AANAT: variants seen among roughly 807,000 people sequenced by gnomAD.
AANAT encodes serotonin N-acetyltransferase.
AANAT carries 11 observed loss-of-function variants against 15.6 expected under a neutral mutation model. That is an observed-to-expected ratio of 0.71 (90% confidence interval 0.44 to 1.17). AANAT has a LOEUF of 1.17. Among genes scored for constraint, AANAT ranks in the 50% most tolerant of loss-of-function variants. The probability of loss-of-function intolerance (pLI) is 0.00; values close to 1 mark genes in which losing one functional copy is unlikely to be tolerated. For synonymous variants in AANAT, 139 were observed against 131.5 expected (o/e 1.06, Z -0.39); for missense variants, 286 against 296.3 (o/e 0.97, Z 0.26).
intron 1 of AANAT, among the ~76,000 whole-genome samples, chr17:76,454,331 A>G (rs1421656557): frequency 7.3e-5 from 11 of 150,656 alleles, no homozygotes; most frequent in Non-Finnish European, 1.5e-4. Context: ...GGAAAAAAAA[A>G]AAAAATAGCT....
intron 2 of AANAT, among the ~76,000 whole-genome samples, chr17:76,460,908 T>C (rs968678943): frequency 3.3e-5 from 5 of 152,148 alleles, no homozygotes; most frequent in African/African-American, 1.2e-4. Context: ...CTCATGCCTA[T>C]AATCCCAGCA....
Position 76,469,556 on chromosome 17 carries a change from C to T in AANAT, c.319-109C>T. On this transcript the variant is annotated intron_variant, in intron 3 of 3. Transcript: ENST00000392492. The surrounding 1 kb of genome is among the most constrained non-coding windows in gnomAD (Gnocchi z 5.2). ...GGCCCTCCTTTGCTGGGGTGGGTGC[C>T]CTGACCACAGGCACCCAGGGGACAC... The T allele has an allele frequency of 7.5e-7, 1 of 1,339,800 alleles. No homozygotes were observed. Among genetic ancestry groups the T allele is most frequent in the Non-Finnish European group, 9.9e-7 (1 of 1,014,354 alleles). 83.0% of individuals were successfully genotyped at this position (1,339,800 alleles called of 1,614,324 possible).
chr17:76,462,691 C>G (rs940808737), upstream of AANAT, among the ~76,000 whole-genome samples: 1 of 152,166 alleles, frequency 6.6e-6, no homozygotes, highest in African/African-American at 2.4e-5. Context: ...TGGTAGTACT[C>G]AGGCTGGAAA....
intron 2 of AANAT, among the ~76,000 whole-genome samples, chr17:76,460,571 G>A (rs1444299225): frequency 6.6e-6 from 1 of 152,168 alleles, no homozygotes. Context: ...AAAGTGCCAG[G>A]ATTATAGGCA....
At chr17:76,464,801 T>A (rs563582590), upstream of AANAT, among the ~76,000 whole-genome samples, 3,707 of 144,534 alleles carry the variant, frequency 0.026, 57 homozygotes, top group South Asian at 0.052. Context: ...ATCTATATAT[T>A]TTTTTTTTTT....
At chr17:76,465,072 C>T (rs554511363), upstream of AANAT, among the ~76,000 whole-genome samples, 2 of 152,244 alleles carry the variant, frequency 1.3e-5, no homozygotes, top group South Asian at 4.1e-4. Context: ...GCTGGGATTA[C>T]AGGCATGAGC....
intron 2 of AANAT, among the ~76,000 whole-genome samples, chr17:76,461,739 G>A (rs2143967462): frequency 6.6e-6 from 1 of 152,176 alleles, no homozygotes; most frequent in South Asian, 2.1e-4. Context: ...GGACTGGGGG[G>A]CTGGATGGCT....
chr17:76,457,044 A>G lies in AANAT; in HGVS notation c.-575-2203A>G, dbSNP rs117888489. ...GCGGGATAAGGCAGTGCAGACCTCA[A>G]ATCTGCTTTTTGTTTCATGGCAGGG... On this transcript the variant is annotated intron_variant, in intron 1 of 6. Coordinates refer to the AANAT transcript ENST00000250615. 4.0e-4 allele frequency among the ~76,000 whole-genome samples: 61 copies of G among 152,038 alleles called. 1 individual carries two copies. The East Asian group carries it at 9.7e-3, about 24-fold the overall frequency.
At chr17:76,466,898 G>T (rs2073444008), upstream of AANAT, among the ~76,000 whole-genome samples, 1 of 152,332 alleles carries the variant, frequency 6.6e-6, no homozygotes, top group African/African-American at 2.4e-5. Context: ...GGGGTCAAAA[G>T]AGTGCACCTG....
chr17:76,469,810 G>T lies in AANAT; in HGVS notation c.464G>T (p.Arg155Leu), dbSNP rs771212777. ...CTGGGCAGCCAGCCGGCCGTGCGCCGGGCCGCGCTCATGTGCGAGGACGCG... is the reference window on the plus strand; with the variant it reads ...CTGGGCAGCCAGCCGGCCGTGCGCCTGGCCGCGCTCATGTGCGAGGACGCG... ...HHLGSQPAVR[R>L]AALMCEDALV... The change falls in exon 4 of 4, where the codon CGG (arginine) becomes CTG (leucine). Residue 155 changes from arginine to leucine, a missense_variant. Coordinates refer to ENST00000392492, the MANE Select transcript of AANAT (RefSeq NM_001088.3). This position sits in a 1 kb window ranked among gnomAD's most constrained non-coding sequence, Gnocchi z 5.2. The T allele has an allele frequency of 2.5e-6, 4 of 1,603,404 alleles. No individual in the cohort carries two copies. In the African/African-American group the frequency reaches 5.4e-5, roughly 21 times the overall value.
chr17:76,466,499 G>A (rs2073439494), upstream of AANAT, among the ~76,000 whole-genome samples: 1 of 152,122 alleles, frequency 6.6e-6, no homozygotes, highest in Non-Finnish European at 1.5e-5. Context: ...TCTGCGGGGG[G>A]GTCGAAAGAG....
intron 1 of AANAT, 23 bp from the exon 2 acceptor site, chr17:76,468,649 T>G: frequency 6.5e-7 from 1 of 1,528,820 alleles, no homozygotes; most frequent in South Asian, 1.2e-5. Context: ...ATGAGACCCC[T>G]GTCCCTTGCT....
Position 76,469,013 on chromosome 17 carries a change from T to G in AANAT, c.163+104T>G, listed in dbSNP as rs560128758. 1 of 1,486,462 alleles carries G rather than the reference T, an allele frequency of 6.7e-7. No individual in the cohort carries two copies. The highest frequency in any genetic ancestry group is 1.4e-5 in the African/African-American group (1 of 72,434). The allele number at this position is 1,486,462 out of a possible 1,614,324, so 92.1% of individuals were successfully genotyped here. A position where few individuals can be genotyped will look rare whatever the true frequency, so the allele number is the denominator to read the frequency against. On this transcript the variant is annotated intron_variant, in intron 2 of 3. Transcript: ENST00000392492. The surrounding 1 kb of genome is among the most constrained non-coding windows in gnomAD (Gnocchi z 5.2). ...TGTCCTTGGAGGCTGGGTCCCAGAG[T>G]ATCAGACCATGTGTGCGCTCAAGAA...
At chr17:76,466,045 G>C, upstream of AANAT, 7 of 780,142 alleles carry the variant, frequency 9.0e-6, no homozygotes, top group Non-Finnish European at 1.5e-5. Flanking sequence ...TGAGGTTCTA[G>C]ACCTCTAGGG....
chr17:76,457,727 G>A (rs1459945084), intron 1 of AANAT, among the ~76,000 whole-genome samples: 1 of 152,188 alleles, frequency 6.6e-6, no homozygotes, highest in African/African-American at 2.4e-5. Flanking sequence ...CTGGCATAGG[G>A]ATGGAGCTCA....
upstream of AANAT, chr17:76,466,256 T>C (rs1322900190): frequency 1.3e-6 from 2 of 1,522,852 alleles, no homozygotes; most frequent in African/African-American, 2.7e-5. Flanking sequence ...GCTGAGGTCT[T>C]GGACATGACC....
chr17:76,467,727 G>C lies in AANAT; in HGVS notation c.-76G>C. 2.0e-5 allele frequency: 20 copies of C among 985,466 alleles called. No homozygotes were observed. Among genetic ancestry groups the C allele is most frequent in the Non-Finnish European group, 2.4e-5 (20 of 829,950 alleles). 61.0% of individuals were successfully genotyped at this position (985,466 alleles called of 1,614,324 possible). On this transcript the variant is annotated splice_region_variant and 5_prime_UTR_variant, in exon 1 of 4. Transcript: ENST00000392492. The stretch of plus-strand genomic sequence containing the variant: ...CACTGGGTATCCTCTCCACAGTCCA[G>C]GTAGGTGGGACCCCCACTCCTGGCT...
At chr17:76,460,876 G>C (rs2073381594) in intron 2 of AANAT, among the ~76,000 whole-genome samples, 1 of 152,106 alleles carries the variant, frequency 6.6e-6, no homozygotes, top group Non-Finnish European at 1.5e-5. Flanking sequence ...CTCAACGGAA[G>C]ACTCTGGGCC....
upstream of AANAT, chr17:76,466,175 G>T (rs750686267): frequency 6.5e-7 from 1 of 1,537,046 alleles, no homozygotes. Context: ...GGGGTGCCAT[G>T]GAGCCACAGT....
Sources: gnomAD v4.1 joint callset for allele counts (sites outside exome capture counted in the v4.1 genomes callset) on GRCh38, gnomAD v4.1.1 for gene constraint, Gnocchi (gnomAD v3.1) non-coding constraint, MANE v1.5 for transcripts, NCBI Gene and HGNC (gene_info 2026-07-23, HGNC 2026-07-21) for gene names.